The following TAAR5 variants were observed in gnomAD, a reference collection of about 807,000 sequenced individuals.
TAAR5 encodes the protein trace amine-associated receptor 5.
TAAR5 carries 27 observed loss-of-function variants against 21.1 expected under a neutral mutation model. The ratio of observed to expected loss-of-function variants is 1.28; its 90% CI spans 0.94 to 1.76. The LOEUF is 1.76. TAAR5 is among the 40% of genes most tolerant of loss of function. The probability of loss-of-function intolerance (pLI) is 0.00; values close to 1 mark genes in which losing one functional copy is unlikely to be tolerated. For missense variants in TAAR5, 495 were observed against 405.6 expected (o/e 1.22, Z -1.89); for synonymous variants, 203 against 167.5 (o/e 1.21, Z -1.64).
chr6:132,589,388 C>G lies in TAAR5; in HGVS notation c.299G>C (p.Trp100Ser), dbSNP rs760007233. 3.1e-6 allele frequency: 5 copies of G among 1,613,942 alleles called. No homozygotes were observed. The Admixed American group carries it at 8.3e-5, about 27-fold the overall frequency. ...GCGGCAGAGGAAGTCCCCGAAGAAC[C>G]AGCAGCTCTCCACTGAGCGAATGGT... is the stretch of plus-strand genomic sequence containing the variant. ...LSTIRSVESC[W>S]FFGDFLCRLH... The change falls in exon 1 of 1, where the codon TGG (tryptophan) becomes TCG (serine). Residue 100 changes from tryptophan (W) to serine (S), a missense_variant. Transcript: ENST00000258034.
the TAAR5 span, chr6:132,594,872 CTGTGCA>C: frequency 6.6e-6 from 1 of 152,164 alleles, no homozygotes; most frequent in African/African-American, 2.4e-5. Flanking sequence ...ACACACAAAC[CTGTGCA>C]ATCAATGGCT....
At chr6:132,614,799 T>C in the TAAR5 span, among the ~76,000 whole-genome samples, 2 of 152,160 alleles carry the variant, frequency 1.3e-5, no homozygotes, top group African/African-American at 2.4e-5. Flanking sequence ...TCTTTTAACT[T>C]TCTCAAGGGA....
At chr6:132,613,482 T>G in the TAAR5 span, among the ~76,000 whole-genome samples, 1 of 152,220 alleles carries the variant, frequency 6.6e-6, no homozygotes, top group Non-Finnish European at 1.5e-5. Flanking sequence ...CTCTATGGAA[T>G]TCTCATTTTT....
At chr6:132,603,084 C>T in the TAAR5 span, among the ~76,000 whole-genome samples, 3 of 151,858 alleles carry the variant, frequency 2.0e-5, no homozygotes, top group East Asian at 5.8e-4. Context: ...GGGTAAATTG[C>T]TTGAGCCCAG....
chr6:132,601,410 G>A, the TAAR5 span, among the ~76,000 whole-genome samples: 55 of 152,178 alleles, frequency 3.6e-4, no homozygotes, highest in African/African-American at 1.1e-3. Flanking sequence ...AGAGGACAGG[G>A]TTTAATTCTA....
At chr6:132,591,123 A>G (rs1483951935), upstream of TAAR5, among the ~76,000 whole-genome samples, 1 of 152,180 alleles carries the variant, frequency 6.6e-6, no homozygotes, top group African/African-American at 2.4e-5. Flanking sequence ...ATCCTTTCTT[A>G]TGCCATACCT....
At chr6:132,613,351 C>T in the TAAR5 span, among the ~76,000 whole-genome samples, 1 of 152,170 alleles carries the variant, frequency 6.6e-6, no homozygotes, top group African/African-American at 2.4e-5. Context: ...ATCTTTGCGG[C>T]CATTAACATT....
the TAAR5 span, among the ~76,000 whole-genome samples, chr6:132,600,755 A>G: frequency 6.6e-6 from 1 of 150,820 alleles, no homozygotes; most frequent in East Asian, 2.0e-4. Flanking sequence ...AAAAAGAAAG[A>G]AAAAGGAAAG....
At chr6:132,593,739 T>C (rs1408873231), upstream of TAAR5, among the ~76,000 whole-genome samples, 3 of 152,226 alleles carry the variant, frequency 2.0e-5, no homozygotes, top group Non-Finnish European at 4.4e-5. Flanking sequence ...AAAGTGTATA[T>C]TGGGAGAAAG....
the TAAR5 span, among the ~76,000 whole-genome samples, chr6:132,602,723 A>C: frequency 6.6e-6 from 1 of 150,618 alleles, no homozygotes; most frequent in African/African-American, 2.5e-5. Context: ...AGAAAATGAC[A>C]ATGTACAAGT....
the TAAR5 span, among the ~76,000 whole-genome samples, chr6:132,603,369 AATTAGTATTCTT>A: frequency 4.0e-5 from 6 of 151,758 alleles, no homozygotes; most frequent in Non-Finnish European, 8.8e-5. Flanking sequence ...AATGATGCAA[AATTAGTATTCTT>A]ATTTAGTACA....
At chr6:132,614,454 C>G in the TAAR5 span, among the ~76,000 whole-genome samples, 1 of 152,278 alleles carries the variant, frequency 6.6e-6, no homozygotes, top group East Asian at 1.9e-4. Flanking sequence ...CAACCCATTT[C>G]AACAATTTCT....
upstream of TAAR5, among the ~76,000 whole-genome samples, chr6:132,593,342 T>C (rs973831858): frequency 1.3e-5 from 2 of 152,226 alleles, no homozygotes; most frequent in African/African-American, 4.8e-5. Context: ...GGCCAGGGTT[T>C]GAGTTTTATT....
At position 132,589,654 on chromosome 6, in the gene TAAR5, C is replaced by T; in HGVS notation, c.33G>A (p.Glu11=). Residue 11 remains glutamate (E), a synonymous_variant, in exon 1 of 1, where the codon GAG becomes GAA. Transcript: ENST00000258034. ...CCTGGTAGCAGAATGCCGCAGGGTG[C>T]TCTTCAGCACCTTGGATGAAGACAG... MRAVFIQGAE[E]HPAAFCYQVN... The T allele has an allele frequency of 6.4e-7, 1 of 1,570,794 alleles. No homozygotes were observed. The highest frequency in any genetic ancestry group is 8.7e-7 in the Non-Finnish European group (1 of 1,155,618).
At chr6:132,589,838 C>T (rs1582726788), upstream of TAAR5, 7 of 611,158 alleles carry the variant, frequency 1.1e-5, no homozygotes, top group Non-Finnish European at 1.8e-5. Flanking sequence ...CAGTTTGGAA[C>T]ATAGTACAGT....
the TAAR5 span, among the ~76,000 whole-genome samples, chr6:132,597,881 T>C: frequency 1.6e-4 from 25 of 152,300 alleles, no homozygotes; most frequent in East Asian, 4.0e-3. Flanking sequence ...AACTCTGAAA[T>C]AATAATTTTG....
the TAAR5 span, among the ~76,000 whole-genome samples, chr6:132,609,867 G>A: frequency 6.6e-6 from 1 of 152,168 alleles, no homozygotes; most frequent in African/African-American, 2.4e-5. Flanking sequence ...GCTGTTGAAA[G>A]CCATGTACCT....
the TAAR5 span, chr6:132,609,186 G>A: frequency 2.8e-6 from 1 of 357,458 alleles, no homozygotes; most frequent in Admixed American, 3.9e-5. Flanking sequence ...ATTATCACCT[G>A]GACATGAAAA....
chr6:132,600,483 T>G, the TAAR5 span, among the ~76,000 whole-genome samples: 1 of 152,116 alleles, frequency 6.6e-6, no homozygotes, highest in Non-Finnish European at 1.5e-5. Flanking sequence ...CAATCGGCCA[T>G]GAGGAGGAAC....
Sources: gnomAD v4.1 joint callset for allele counts (sites outside exome capture counted in the v4.1 genomes callset) on GRCh38, gnomAD v4.1.1 for gene constraint, MANE v1.5 for transcripts, NCBI Gene and HGNC (gene_info 2026-07-23, HGNC 2026-07-21) for gene names.